LPO: variants seen among roughly 807,000 people sequenced by gnomAD.
LPO encodes salivary peroxidase.
In LPO, 70 loss-of-function variants were observed where a neutral mutation model predicts 68.4. The ratio of observed to expected loss-of-function variants is 1.02; its 90% confidence interval spans 0.84 to 1.25. LPO has a LOEUF of 1.25. LPO is among the 50% of genes most tolerant of loss of function. The probability of loss-of-function intolerance (pLI) is 0.00; values close to 1 mark genes in which losing one functional copy is unlikely to be tolerated. For missense variants in LPO, 873 were observed against 908.4 expected, an observed-to-expected ratio of 0.96 and a Z score of 0.50; for synonymous variants, 360 against 357.6, an observed-to-expected ratio of 1.01 and a Z score of -0.08.
At chr17:58,255,124 C>T (rs1386698521) in intron 9 of LPO, among the ~76,000 whole-genome samples, 153 bp downstream of exon 9, 8 of 152,118 alleles carry the variant, frequency 5.3e-5, no homozygotes, top group Admixed American at 5.2e-4. Context: ...TTGTCTCATT[C>T]TTTGAAATCC....
At chr17:58,261,373 T>C (rs1296464285) in intron 9 of LPO, among the ~76,000 whole-genome samples, 2 of 152,250 alleles carry the variant, frequency 1.3e-5, no homozygotes, top group African/African-American at 4.8e-5. Flanking sequence ...TTTATCATTA[T>C]GTAATTTCCA....
chr17:58,246,287 C>G (rs768118522), intron 3 of LPO, among the ~76,000 whole-genome samples: 2 of 152,216 alleles, frequency 1.3e-5, no homozygotes, highest in South Asian at 2.1e-4. Flanking sequence ...TGTGTCGCCC[C>G]AGGGTAAGCC....
chr17:58,250,353 C>T (rs1459226242), intron 6 of LPO, 62 bp from the exon 7 acceptor site: 2 of 1,283,248 alleles, frequency 1.6e-6, no homozygotes, highest in Admixed American at 1.7e-5. Flanking sequence ...GCTGTAGTTG[C>T]ATCTGAATCC....
intron 8 of LPO, among the ~76,000 whole-genome samples, chr17:58,254,144 TATAGATATATAG>T (rs1364456021): frequency 4.9e-4 from 32 of 64,818 alleles, no homozygotes; most frequent in Admixed American, 1.9e-3. Flanking sequence ...TATATAGATA[TATAGATATATAG>T]ATAGATAGAT....
At chr17:58,251,905 A>T (rs1969965313) in intron 7 of LPO, 1 of 693,932 alleles carries the variant, frequency 1.4e-6, no homozygotes, top group African/African-American at 1.7e-5. Context: ...CTGTCCAGGG[A>T]GCTCAATACT....
At position 58,264,907 on chromosome 17, in the gene LPO, A is replaced by T; in HGVS notation, c.1452A>T (p.Pro484=). Residue 484 remains proline (P), a synonymous_variant, in exon 10 of 13, where the codon CCA becomes CCT. Coordinates refer to ENST00000262290, the MANE Select transcript of LPO (RefSeq NM_006151.3). ...TCCGCCTGGATGAGAATTATCAGCC[A>T]TGGGGGCCAGAACCAGAACTCCCCC... ...SMFRLDENYQ[P]WGPEPELPLH... The T allele has an allele frequency of 6.2e-7, 1 of 1,614,200 alleles. No homozygotes were observed. The highest frequency in any genetic ancestry group is 8.5e-7 in the Non-Finnish European group (1 of 1,180,032).
At chr17:58,246,714 C>G (rs1181354291) in intron 3 of LPO, among the ~76,000 whole-genome samples, 1 of 152,186 alleles carries the variant, frequency 6.6e-6, no homozygotes, top group Non-Finnish European at 1.5e-5. Context: ...AGCAGCCCCT[C>G]TGGGACCCGG....
chr17:58,248,124 G>C (rs546098925), intron 4 of LPO, among the ~76,000 whole-genome samples: 11 of 152,126 alleles, frequency 7.2e-5, no homozygotes, highest in Non-Finnish European at 1.2e-4. Flanking sequence ...TTAACTGATG[G>C]CTTGGTCATG....
chr17:58,249,360 G>C (rs920050142), intron 5 of LPO, 183 bp downstream of exon 5: 7 of 923,636 alleles, frequency 7.6e-6, no homozygotes, highest in Non-Finnish European at 1.1e-5. Context: ...AGCCCACTGT[G>C]TGTCTCTGGA....
chr17:58,243,678 G>C, intron 2 of LPO: 1 of 424,294 alleles, frequency 2.4e-6, no homozygotes, highest in Non-Finnish European at 4.3e-6. Flanking sequence ...ATCTCACCAG[G>C]AACCAGAGAA....
chr17:58,242,239 T>A (rs1296881681), intron 1 of LPO, among the ~76,000 whole-genome samples: 1 of 152,220 alleles, frequency 6.6e-6, no homozygotes, highest in Non-Finnish European at 1.5e-5. Flanking sequence ...GTCTAAAGAT[T>A]TGCATTCAGA....
At chr17:58,255,011 G>T (rs375762527) in intron 9 of LPO, 40 bp downstream of exon 9, 1 of 1,602,110 alleles carries the variant, frequency 6.2e-7, no homozygotes, top group African/African-American at 1.3e-5. Context: ...GTCCCACCTG[G>T]CTCCCACTCC....
chr17:58,253,197 A>G (rs896325571), intron 8 of LPO, among the ~76,000 whole-genome samples: 7 of 152,162 alleles, frequency 4.6e-5, no homozygotes, highest in Admixed American at 3.9e-4. Context: ...GGGTCTTACT[A>G]TAAATAATGC....
chr17:58,249,542 C>A, intron 5 of LPO, 24 bp from the exon 6 acceptor site: 3 of 1,600,832 alleles, frequency 1.9e-6, no homozygotes, highest in Non-Finnish European at 2.5e-6. Context: ...TGCCGAAGCT[C>A]AGCGAGGATC....
At position 58,247,663 on chromosome 17, in the gene LPO, G is replaced by C. The variant is rs762196411; in HGVS notation, c.325+25G>C. The C allele has an allele frequency of 5.6e-6, 9 of 1,606,262 alleles. No homozygotes were observed. The African/African-American group carries it at 1.1e-4, about 19-fold the overall frequency. On this transcript the variant is annotated intron_variant, in intron 4 of 12. Coordinates refer to ENST00000262290, the MANE Select transcript of LPO (RefSeq NM_006151.3). ...GGTACAGAAAACCCACCAGCCCTCT[G>C]TGGCAGGAAGGGGTCATCTCCCCAC...
Position 58,249,616 on chromosome 17 carries a change from C to T in LPO, c.494C>T (p.Pro165Leu). The T allele has an allele frequency of 6.2e-7, 1 of 1,603,164 alleles. No individual in the cohort carries two copies. Among genetic ancestry groups the T allele is most frequent in the Non-Finnish European group, 8.5e-7 (1 of 1,179,112 alleles). ...AACAGGGCTCTGGCGCGCTGGCTGC[C>T]CGCGGAGTACGAGGACGGGCTCTCC... The part of the protein sequence containing the change: ...AANRALARWL[P>L]AEYEDGLSLP... Residue 165 changes from proline (P) to leucine (L), a missense_variant, in exon 6 of 13, where the codon CCC becomes CTC. Coordinates refer to ENST00000262290, the MANE Select transcript of LPO (RefSeq NM_006151.3).
intron 9 of LPO, among the ~76,000 whole-genome samples, chr17:58,261,930 C>A (rs774093402): frequency 9.9e-5 from 15 of 152,178 alleles, no homozygotes; most frequent in Admixed American, 9.8e-4. Context: ...GTAGAAAACT[C>A]ATTTCCATTT....
intron 10 of LPO, 99 bp from the exon 11 acceptor site, chr17:58,266,054 C>T (rs1970256735): frequency 8.3e-7 from 1 of 1,201,982 alleles, no homozygotes; most frequent in Admixed American, 2.2e-5. Context: ...GACCCACATT[C>T]AACTAAGAGA....
chr17:58,239,718 G>C (rs1346363798), intron 1 of LPO, among the ~76,000 whole-genome samples: 3 of 152,130 alleles, frequency 2.0e-5, no homozygotes, highest in African/African-American at 7.2e-5. Flanking sequence ...TTGGTACTCA[G>C]AGTGTGGTCT....
Sources: allele counts gnomAD v4.1 joint callset (sites outside exome capture counted in the v4.1 genomes callset), GRCh38; gene constraint gnomAD v4.1.1; transcripts MANE v1.5; gene names NCBI Gene and HGNC (gene_info 2026-07-23, HGNC 2026-07-21).